Variants in ERCC6 observed in about 807,000 individuals in gnomAD.
The protein encoded by ERCC6 is ERCC excision repair 6, chromatin remodeling factor, also known as DNA excision repair protein ERCC-6.
ERCC6 carries 116 observed loss-of-function variants against 158.7 expected under a neutral mutation model. The ratio of observed to expected loss-of-function variants is 0.73; its 90% CI spans 0.63 to 0.85. The LOEUF is 0.85. Ranked by LOEUF, ERCC6 falls within the 40% of genes least tolerant of loss-of-function variation. ERCC6 has a pLI of 0.00. For missense variants in ERCC6, 1,698 were observed against 1,799.4 expected (o/e 0.94, Z 1.02); for synonymous variants, 678 against 659.3 (o/e 1.03, Z -0.43).
the ERCC6 span, among the ~76,000 whole-genome samples, chr10:49,437,805 A>G: frequency 6.6e-6 from 1 of 152,330 alleles, no homozygotes; most frequent in East Asian, 1.9e-4. Flanking sequence ...CATGAGATCA[A>G]GGTGAATAAA....
chr10:49,464,602 AG>A (rs2132530368), intron 18 of ERCC6, among the ~76,000 whole-genome samples: 1 of 152,332 alleles, frequency 6.6e-6, no homozygotes, highest in African/African-American at 2.4e-5. Flanking sequence ...CCAGAGGCCC[AG>A]GGGGAAAAAG....
the ERCC6 span, among the ~76,000 whole-genome samples, chr10:49,446,437 AG>A: frequency 6.6e-6 from 1 of 152,194 alleles, no homozygotes; most frequent in Non-Finnish European, 1.5e-5. Flanking sequence ...GGAAGCTTAG[AG>A]GGGAGGAAGA....
At chr10:49,509,338 G>A (rs990973717) in intron 5 of ERCC6, among the ~76,000 whole-genome samples, 1 of 152,186 alleles carries the variant, frequency 6.6e-6, no homozygotes, top group Non-Finnish European at 1.5e-5. Context: ...CTATTACTAT[G>A]TTCACTGAAA....
intron 18 of ERCC6, among the ~76,000 whole-genome samples, chr10:49,465,413 G>A (rs1043126158): frequency 1.4e-4 from 22 of 152,218 alleles, no homozygotes; most frequent in Admixed American, 1.4e-3. Flanking sequence ...TCTTGGATGA[G>A]ACTCTGGACT....
At chr10:49,519,771 T>A (rs1320088766) in intron 5 of ERCC6, among the ~76,000 whole-genome samples, 2 of 152,208 alleles carry the variant, frequency 1.3e-5, no homozygotes, top group African/African-American at 2.4e-5. Flanking sequence ...AAAGCTCTCC[T>A]AAATGAGAAC....
chr10:49,499,700 CAG>C (rs1195508688), intron 7 of ERCC6, among the ~76,000 whole-genome samples: 2 of 152,136 alleles, frequency 1.3e-5, no homozygotes, highest in Non-Finnish European at 2.9e-5. Flanking sequence ...CTGATTTCTA[CAG>C]AGTCAATTTA....
intron 7 of ERCC6, among the ~76,000 whole-genome samples, chr10:49,496,008 C>A (rs1336290810): frequency 6.6e-6 from 1 of 152,220 alleles, no homozygotes; most frequent in Admixed American, 6.5e-5. Flanking sequence ...GACCTCTGCT[C>A]ATCTCTCCTG....
Position 49,478,390 on chromosome 10 carries a change from G to C in ERCC6, c.2250C>G (p.Val750=), listed in dbSNP as rs1850915325. Residue 750 remains valine, a synonymous_variant, in exon 11 of 21, where the codon GTC becomes GTG. Transcript: ENST00000355832. ...TATCTGGCAAAGAAAGGCTCATCTTGACATCTGACTTCATTCTCCGCAGTA... is the reference window on the plus strand; with the variant it reads ...TATCTGGCAAAGAAAGGCTCATCTTCACATCTGACTTCATTCTCCGCAGTA... ...PYLLRRMKSD[V]KMSLSLPDKN... The C allele has an allele frequency of 1.2e-6, 2 of 1,613,680 alleles. No individual in the cohort carries two copies. Among genetic ancestry groups the C allele is most frequent in the African/African-American group, 2.7e-5 (2 of 75,014 alleles).
intron 7 of ERCC6, among the ~76,000 whole-genome samples, chr10:49,498,652 A>C (rs1328864796): frequency 6.6e-6 from 1 of 152,172 alleles, no homozygotes; most frequent in Non-Finnish European, 1.5e-5. Context: ...CATTATAGAG[A>C]AGAGGATATG....
chr10:49,536,193 A>G (rs1279917093), intron 1 of ERCC6, among the ~76,000 whole-genome samples: 1 of 152,192 alleles, frequency 6.6e-6, no homozygotes, highest in Non-Finnish European at 1.5e-5. Context: ...TTGGTGTGTA[A>G]GGAGTGGATG....
chr10:49,524,295 C>A lies in ERCC6; in HGVS notation c.1135G>T (p.Glu379Ter), dbSNP rs1554793270. 4 of 1,614,060 alleles carry A rather than the reference C, an allele frequency of 2.5e-6. No homozygotes were observed. Among genetic ancestry groups the A allele is most frequent in the Non-Finnish European group, 3.4e-6 (4 of 1,179,996 alleles). The stretch of plus-strand genomic sequence containing the variant: ...TCGTCATCTTCCTCCTCTTCCTCCT[C>A]CTCTGTGGGGAAATACTCAGACTCT... The part of the protein sequence containing the change: ...GEESEYFPTE[E>*]EEEEEDDEVE... Residue 379 changes from glutamate to a stop codon, truncating the protein, a stop_gained, in exon 5 of 21, where the codon GAG becomes TAG. Transcript: ENST00000355832. LOFTEE classifies it high-confidence loss of function.
At chr10:49,515,518 G>T in intron 5 of ERCC6, 1 of 1,614,036 alleles carries the variant, frequency 6.2e-7, no homozygotes, top group Non-Finnish European at 8.5e-7. Flanking sequence ...TTTTGGCCAG[G>T]TTCTGGAGGA....
rs1336473788 is a variant in ERCC6 at position 49,528,481 on chromosome 10, C to T, written c.588G>A (p.Gln196=). 3 of 1,614,182 alleles carry T rather than the reference C, an allele frequency of 1.9e-6. No individual in the cohort carries two copies. Among genetic ancestry groups the T allele is most frequent in the South Asian group, 2.2e-5 (2 of 91,082 alleles). ...TCACCTCTGCTCCTCCAAGGATGGC[C>T]TGGAGATGCTTTTGTTTTGCAGTGA... ...KKITAKQKHL[Q]AILGGAEVKI... is the part of the protein sequence containing the mutation. Residue 196 remains glutamine, a synonymous_variant, in exon 4 of 21, where the codon CAG becomes CAA. Transcript: ENST00000355832.
At chr10:49,473,755 C>G (rs765248544) in intron 13 of ERCC6, among the ~76,000 whole-genome samples, 168 bp from the exon 14 acceptor site, 1 of 152,168 alleles carries the variant, frequency 6.6e-6, no homozygotes, top group Non-Finnish European at 1.5e-5. Flanking sequence ...TTGGTATTTC[C>G]GTATGGTTAA....
rs1341552870 is a variant in ERCC6, at chr10:49,457,861, C to G, written c.*954G>C. ...AGTAGTGAGATACAAACAGCCTTGG[C>G]TGGAATCCAAACCGCAGAAACAAGA... On this transcript the variant is annotated 3_prime_UTR_variant, in exon 21 of 21. Coordinates refer to ENST00000355832, the MANE Select transcript of ERCC6 (RefSeq NM_000124.4). 6.6e-6 allele frequency: 1 copy of G among 152,266 alleles called. No homozygotes were observed. The highest frequency in any genetic ancestry group is 1.5e-5 in the Non-Finnish European group (1 of 68,078). The allele number at this position is 152,266 out of a possible 1,614,324, so 9.4% of individuals were successfully genotyped here. A position where few individuals can be genotyped will look rare whatever the true frequency, so the allele number is the denominator to read the frequency against.
At chr10:49,493,816 C>A (rs1173269894) in intron 7 of ERCC6, among the ~76,000 whole-genome samples, 1 of 152,220 alleles carries the variant, frequency 6.6e-6, no homozygotes, top group Non-Finnish European at 1.5e-5. Flanking sequence ...TCACTTACTG[C>A]AGCCTGTCCT....
intron 14 of ERCC6, 93 bp from the exon 15 acceptor site, chr10:49,473,121 T>C (rs1164550213): frequency 6.4e-7 from 1 of 1,563,312 alleles, no homozygotes; most frequent in Non-Finnish European, 8.8e-7. Flanking sequence ...ATGGAATTAC[T>C]GGGCTGTTCC....
Position 49,485,997 on chromosome 10 carries a change from T to C in ERCC6, c.1822-2481A>G, listed in dbSNP as rs528568592. On this transcript the variant is annotated intron_variant, in intron 8 of 20. Transcript: ENST00000355832. The stretch of plus-strand genomic sequence containing the variant: ...AATTATCAAAGATATATCAAAGAAA[T>C]GCCAACCAAAAAAGGGCAGGCTTAG... Among the ~76,000 whole-genome samples the C allele has an allele frequency of 2.1e-4, 32 of 151,940 alleles. 1 individual carries two copies. Among genetic ancestry groups the C allele is most frequent in the Admixed American group, 7.2e-4 (11 of 15,256 alleles).
intron 5 of ERCC6, chr10:49,515,156 G>GA (rs1386419685): frequency 1.5e-6 from 2 of 1,305,668 alleles, no homozygotes; most frequent in African/African-American, 3.1e-5. Context: ...ATTTTTGCAT[G>GA]AAATTCATAT....
Sources: allele counts gnomAD v4.1 joint callset (sites outside exome capture counted in the v4.1 genomes callset), GRCh38; gene constraint gnomAD v4.1.1; transcripts MANE v1.5; gene names NCBI Gene and HGNC (gene_info 2026-07-23, HGNC 2026-07-21).